Variants in TMEM94 observed in about 807,000 individuals in gnomAD.
TMEM94 encodes the protein ER Mg2+ ATPase.
TMEM94 carries 81 observed loss-of-function variants against 158.6 expected under a neutral mutation model. The observed-to-expected ratio is 0.51, with a 90% CI of 0.43 to 0.61. The LOEUF (loss-of-function observed/expected upper bound fraction) is 0.61. TMEM94 is among the 20% of genes least tolerant of loss of function. The pLI, the probability that TMEM94 is intolerant of heterozygous loss-of-function variation, is 0.00. For missense variants in TMEM94, 1,435 were observed against 1,762.0 expected (o/e 0.81, Z 3.32); for synonymous variants, 751 against 730.7 (o/e 1.03, Z -0.45).
At position 75,464,593 on chromosome 17, in the gene TMEM94, TCTTTCTTTCTTTCCTTC is replaced by T. The variant is rs1399687801; in HGVS notation, c.-106-7186_-106-7170del. Reference sequence around the variant, plus strand: ...TCCCTGTGTATTTTTTCATTTTCTTTCTTTCTTTCTTTCCTTCCTTTCTTTCTTTCCTTCCTTCCTTC... The same window carrying T: ...TCCCTGTGTATTTTTTCATTTTCTTTCTTTCTTTCTTTCCTTCCTTCCTTC... On this transcript the variant is annotated intron_variant, in intron 1 of 31. Transcript: ENST00000314256. 3.4e-3 allele frequency among the ~76,000 whole-genome samples: 212 copies of T among 62,340 alleles called. 3 individuals are homozygous for T. Among genetic ancestry groups the T allele is most frequent in the African/African-American group, 9.2e-3 (182 of 19,874 alleles). The allele number at this position is 62,340 out of a possible 152,430, so 40.9% of individuals were successfully genotyped here. A position where few individuals can be genotyped will look rare whatever the true frequency, so the allele number is the denominator to read the frequency against.
At chr17:75,459,208 T>C (rs2049990825) in intron 1 of TMEM94, among the ~76,000 whole-genome samples, 2 of 152,232 alleles carry the variant, frequency 1.3e-5, no homozygotes, top group South Asian at 4.1e-4. Flanking sequence ...ACTGGTTCTC[T>C]TTGTCAAAAC....
intron 25 of TMEM94, 26 bp downstream of exon 25, chr17:75,496,833 GC>G: frequency 1.2e-6 from 2 of 1,603,428 alleles, no homozygotes; most frequent in Non-Finnish European, 8.5e-7. Flanking sequence ...CACAGGCATT[GC>G]CCCCGTGCCA....
chr17:75,494,578 G>T, intron 18 of TMEM94, 49 bp from the exon 19 acceptor site: 1 of 1,592,686 alleles, frequency 6.3e-7, no homozygotes, highest in Non-Finnish European at 8.6e-7. Context: ...GCCCTGGGCT[G>T]GTTCCTGGGT....
At chr17:75,468,020 A>G (rs1484859040) in intron 1 of TMEM94, among the ~76,000 whole-genome samples, 1 of 152,212 alleles carries the variant, frequency 6.6e-6, no homozygotes, top group African/African-American at 2.4e-5. Context: ...TGTGAAATAG[A>G]TATTGTCATT....
At position 75,471,890 on chromosome 17, in the gene TMEM94, G is replaced by C. The variant is rs372072703; in HGVS notation, c.-16G>C. ...TGACCACATTCATCTGGGCATGCCT[G>C]CAGTACTCTTGGCCCATGGACCTGA... On this transcript the variant is annotated 5_prime_UTR_variant, in exon 2 of 32. Coordinates refer to ENST00000314256, the MANE Select transcript of TMEM94 (RefSeq NM_014738.6). The C allele has an allele frequency of 6.2e-7, 1 of 1,613,932 alleles. No homozygotes were observed. The highest frequency in any genetic ancestry group is 2.2e-5 in the East Asian group (1 of 44,878).
intron 6 of TMEM94, 107 bp downstream of exon 6, chr17:75,488,241 G>A (rs1457826838): frequency 8.4e-6 from 9 of 1,076,288 alleles, no homozygotes; most frequent in Non-Finnish European, 1.2e-5. Flanking sequence ...CAGCTTACTG[G>A]CTTTTTGGCA....
At chr17:75,488,515 C>G (rs2051829753) in intron 6 of TMEM94, among the ~76,000 whole-genome samples, 1 of 152,194 alleles carries the variant, frequency 6.6e-6, no homozygotes, top group Non-Finnish European at 1.5e-5. Context: ...CTCCTGACCT[C>G]AGGTGATCCA....
At position 75,489,372 on chromosome 17, in the gene TMEM94, C is replaced by A; in HGVS notation, c.867+4C>A. The A allele has an allele frequency of 6.2e-7, 1 of 1,613,550 alleles. No homozygotes were observed. The highest frequency in any genetic ancestry group is 8.5e-7 in the Non-Finnish European group (1 of 1,179,556). Reference sequence around the variant, plus strand: ...CTATGCTGTGCCCGTGGTCCTGGTGCGTGTGGCGGGGCTGTGCGGGGCTGC... The same window carrying A: ...CTATGCTGTGCCCGTGGTCCTGGTGAGTGTGGCGGGGCTGTGCGGGGCTGC... On this transcript the variant is annotated splice_donor_region_variant and intron_variant, in intron 8 of 31. Coordinates refer to ENST00000314256, the MANE Select transcript of TMEM94 (RefSeq NM_014738.6). The surrounding 1 kb of genome is among the most constrained non-coding windows in gnomAD (Gnocchi z 5.0).
rs373841326 is a variant in TMEM94, at chr17:75,491,656, C to T, written c.1387-35C>T. On this transcript the variant is annotated intron_variant, in intron 13 of 31. Transcript: ENST00000314256. This position sits in a 1 kb window ranked among gnomAD's most constrained non-coding sequence, Gnocchi z 5.1. ...TCCTGCCTCCCCAGGCCATGGGAGC[C>T]ACTGGTCCTAGCCTGTGCTCCTCAT... 8 of 1,602,454 alleles carry T rather than the reference C, an allele frequency of 5.0e-6. No individual in the cohort carries two copies. Among genetic ancestry groups the T allele is most frequent in the Non-Finnish European group, 6.0e-6 (7 of 1,170,582 alleles).
In TMEM94 at chr17:75,488,775, TC is replaced by T; in HGVS notation, c.631del (p.Leu211TrpfsTer40). 6.2e-7 allele frequency: 1 copy of T among 1,613,868 alleles called. No individual in the cohort carries two copies. The highest frequency in any genetic ancestry group is 8.5e-7 in the Non-Finnish European group (1 of 1,179,932). On this transcript the variant is annotated frameshift_variant, in exon 7 of 32. Coordinates refer to ENST00000314256, the MANE Select transcript of TMEM94 (RefSeq NM_014738.6). LOFTEE classifies it high-confidence loss of function. ...TGCCGGCAGGATGACGAGCACATCG[TC>T]CTGGAGCCGGGAGACCTCTTCCCCC... ...LRGIKDDEHI[V>X]LEPGDLFPPF...
chr17:75,462,816 C>A (rs1208738892), intron 1 of TMEM94, among the ~76,000 whole-genome samples: 3 of 142,272 alleles, frequency 2.1e-5, no homozygotes, highest in Admixed American at 7.2e-5. Flanking sequence ...CATAGCAAGA[C>A]CTTGTGTCTA....
chr17:75,457,641 TC>T (rs1442766852), intron 1 of TMEM94: 1 of 152,220 alleles, frequency 6.6e-6, no homozygotes, highest in Non-Finnish European at 1.5e-5. Flanking sequence ...GAGAGAAGGA[TC>T]TTTTTCTCAT....
intron 2 of TMEM94, among the ~76,000 whole-genome samples, chr17:75,484,296 G>A (rs182788360): frequency 9.2e-4 from 137 of 149,026 alleles, no homozygotes; most frequent in African/African-American, 3.2e-3. Context: ...CCTTTCTTCC[G>A]TCCCTCCCTC....
At chr17:75,462,870 C>T (rs1338260902) in intron 1 of TMEM94, among the ~76,000 whole-genome samples, 1 of 146,404 alleles carries the variant, frequency 6.8e-6, no homozygotes, top group African/African-American at 2.6e-5. Flanking sequence ...GTCTGTGGTC[C>T]CAGCTACTCG....
chr17:75,496,281 G>A lies in TMEM94; in HGVS notation c.3054-1G>A, dbSNP rs776688775. ...GTGTGTGTGTCCCCCACCCTGAGCAGCATTGCCCTGGATCCCCTGTACCCA... is the reference window on the plus strand; with the variant it reads ...GTGTGTGTGTCCCCCACCCTGAGCAACATTGCCCTGGATCCCCTGTACCCA... On this transcript the variant is annotated splice_acceptor_variant, in intron 23 of 31. Transcript: ENST00000314256. LOFTEE classifies it high-confidence loss of function. 1 of 1,614,194 alleles carries A rather than the reference G, an allele frequency of 6.2e-7. No homozygotes were observed. Among genetic ancestry groups the A allele is most frequent in the Non-Finnish European group, 8.5e-7 (1 of 1,180,022 alleles).
At chr17:75,465,679 A>ATATATT (rs1247855961) in intron 1 of TMEM94, among the ~76,000 whole-genome samples, 1 of 124,848 alleles carries the variant, frequency 8.0e-6, no homozygotes, top group African/African-American at 3.5e-5. Flanking sequence ...ATATATATAT[A>ATATATT]TTTTTTTTTA....
At position 75,495,880 on chromosome 17, in the gene TMEM94, C is replaced by T; in HGVS notation, c.2945-86C>T. On this transcript the variant is annotated intron_variant, in intron 22 of 31. Transcript: ENST00000314256. The surrounding 1 kb of genome is among the most constrained non-coding windows in gnomAD (Gnocchi z 5.6). ...AGAGGGGCCCACCTCCCATCGCCTC[C>T]TGCTCTCCTGTCCCATGGGTCTCTG... The T allele has an allele frequency of 9.8e-7, 1 of 1,016,804 alleles. No homozygotes were observed. Among genetic ancestry groups the T allele is most frequent in the South Asian group, 1.4e-5 (1 of 72,140 alleles). 63.0% of individuals were successfully genotyped at this position (1,016,804 alleles called of 1,614,324 possible).
intron 11 of TMEM94, 100 bp from the exon 12 acceptor site, chr17:75,490,949 C>T: frequency 9.4e-7 from 1 of 1,061,834 alleles, no homozygotes; most frequent in Non-Finnish European, 1.4e-6. Flanking sequence ...CCTCTCCACC[C>T]CAACTTCGTG....
At chr17:75,465,656 TA>T (rs1432248039) in intron 1 of TMEM94, among the ~76,000 whole-genome samples, 4 of 34,992 alleles carry the variant, frequency 1.1e-4, no homozygotes, top group East Asian at 3.1e-4. Context: ...TAAGAATTTT[TA>T]TATATATATA....
Sources: gnomAD v4.1 joint callset for allele counts (sites outside exome capture counted in the v4.1 genomes callset) on GRCh38, gnomAD v4.1.1 for gene constraint, Gnocchi (gnomAD v3.1) non-coding constraint, MANE v1.5 for transcripts, NCBI Gene and HGNC (gene_info 2026-07-23, HGNC 2026-07-21) for gene names.